The following CNTN3 variants were observed in gnomAD, a reference collection of about 807,000 sequenced individuals.
CNTN3 encodes contactin 3, also known as contactin-3.
In CNTN3, 60 loss-of-function variants were observed where a neutral mutation model predicts 119.1. That is an observed-to-expected ratio of 0.50 (90% CI 0.41 to 0.62). CNTN3 has a LOEUF of 0.62. Ranked by LOEUF, CNTN3 falls within the 20% of genes least tolerant of loss-of-function variation. The pLI is 0.00. For missense variants in CNTN3, 1,101 were observed against 1,242.4 expected, an observed-to-expected ratio of 0.89 and a Z score of 1.71; for synonymous variants, 450 against 438.7, an observed-to-expected ratio of 1.03 and a Z score of -0.32.
At chr3:74,574,231 CA>C (rs1402545608) in intron 1 of CNTN3, among the ~76,000 whole-genome samples, 1 of 152,004 alleles carries the variant, frequency 6.6e-6, no homozygotes, top group African/African-American at 2.4e-5. Flanking sequence ...ATGAAACTTC[CA>C]AAATAGGACA....
Position 74,290,581 on chromosome 3 carries a change from G to A in CNTN3, c.2517+4540C>T, listed in dbSNP as rs568497405. Among the ~76,000 whole-genome samples the A allele has an allele frequency of 1.1e-4, 17 of 152,270 alleles. No homozygotes were observed. The South Asian group carries it at 3.5e-3, about 32-fold the overall frequency. On this transcript the variant is annotated intron_variant, in intron 19 of 22. Coordinates refer to ENST00000263665, the MANE Select transcript of CNTN3 (RefSeq NM_020872.3). ...TTTTCTTAACTATTTTACAAGTTACGACTAGGTCAAGAATTATGATCCTGT... is the reference window on the plus strand; with the variant it reads ...TTTTCTTAACTATTTTACAAGTTACAACTAGGTCAAGAATTATGATCCTGT...
Position 74,266,466 on chromosome 3 carries a change from C to G in CNTN3, c.2986+15G>C. ...CTGATGTCAATAAAGTAAATAATGG[C>G]TTCAACCAACTTACTGGTTATTCGT... On this transcript the variant is annotated intron_variant, in intron 22 of 22. Coordinates refer to ENST00000263665, the MANE Select transcript of CNTN3 (RefSeq NM_020872.3). 6.2e-7 allele frequency: 1 copy of G among 1,610,472 alleles called. No homozygotes were observed. The highest frequency in any genetic ancestry group is 1.1e-5 in the South Asian group (1 of 90,848).
At chr3:74,427,713 A>C (rs1265049426) in intron 4 of CNTN3, among the ~76,000 whole-genome samples, 1 of 152,178 alleles carries the variant, frequency 6.6e-6, no homozygotes, top group Non-Finnish European at 1.5e-5. Context: ...TAAGCAGGTC[A>C]CAGGATACAA....
chr3:74,436,749 T>A (rs1001340198), intron 4 of CNTN3, among the ~76,000 whole-genome samples: 9 of 152,194 alleles, frequency 5.9e-5, no homozygotes, highest in Admixed American at 5.9e-4. Flanking sequence ...CCATAAAAGC[T>A]GGAAATACAA....
At chr3:74,456,183 T>A (rs181314188) in intron 4 of CNTN3, among the ~76,000 whole-genome samples, 1 of 151,994 alleles carries the variant, frequency 6.6e-6, no homozygotes. Context: ...TCCTCTTTAT[T>A]GTATAACTTT....
intron 19 of CNTN3, among the ~76,000 whole-genome samples, chr3:74,294,177 A>C (rs1702288635): frequency 6.6e-6 from 1 of 152,158 alleles, no homozygotes; most frequent in Non-Finnish European, 1.5e-5. Flanking sequence ...GGGAAGCTTC[A>C]TAAGAAGACA....
chr3:74,286,751 T>C (rs905983067), intron 19 of CNTN3, among the ~76,000 whole-genome samples: 2 of 152,198 alleles, frequency 1.3e-5, no homozygotes, highest in Non-Finnish European at 2.9e-5. Context: ...GCAAATCCAC[T>C]CCAGGGGAGA....
chr3:74,606,125 A>T (rs1704987956), intron 1 of CNTN3, among the ~76,000 whole-genome samples: 1 of 152,098 alleles, frequency 6.6e-6, no homozygotes, highest in African/African-American at 2.4e-5. Flanking sequence ...AATACAGAAG[A>T]GTCTATTCAA....
At chr3:74,449,099 C>T (rs1559607488) in intron 4 of CNTN3, among the ~76,000 whole-genome samples, 1 of 151,872 alleles carries the variant, frequency 6.6e-6, no homozygotes, top group East Asian at 1.9e-4. Context: ...CTTCTGTAAG[C>T]CAACTCAGGT....
At chr3:74,329,669 T>C (rs1703214364) in intron 13 of CNTN3, among the ~76,000 whole-genome samples, 1 of 152,206 alleles carries the variant, frequency 6.6e-6, no homozygotes, top group Non-Finnish European at 1.5e-5. Flanking sequence ...TGTTCTTTGG[T>C]TTCTCTTGAA....
intron 1 of CNTN3, among the ~76,000 whole-genome samples, chr3:74,582,636 AT>A (rs1425542033): frequency 6.6e-6 from 1 of 152,222 alleles, no homozygotes; most frequent in Non-Finnish European, 1.5e-5. Context: ...ACAGTAGGAT[AT>A]ACTTTCTTCT....
chr3:74,369,328 A>G lies in CNTN3; in HGVS notation c.807T>C (p.Phe269=), dbSNP rs376358653. Reference sequence around the variant, plus strand: ...ACTTCCTTAATTTAATTTTGCTGGAAAATGGCAGCCCATCACTTCTTCTCC... The same window carrying G: ...ACTTCCTTAATTTAATTTTGCTGGAGAATGGCAGCCCATCACTTCTTCTCC... ...INWRRSDGLP[F]SSKIKLRKFS... Residue 269 remains phenylalanine (F), a synonymous_variant, in exon 8 of 23, where the codon TTT becomes TTC. Coordinates refer to ENST00000263665, the MANE Select transcript of CNTN3 (RefSeq NM_020872.3). The G allele has an allele frequency of 2.5e-6, 4 of 1,609,074 alleles. No homozygotes were observed. Among genetic ancestry groups the G allele is most frequent in the Non-Finnish European group, 3.4e-6 (4 of 1,177,758 alleles).
At chr3:74,394,484 G>C (rs1374737814) in intron 5 of CNTN3, among the ~76,000 whole-genome samples, 1 of 152,070 alleles carries the variant, frequency 6.6e-6, no homozygotes, top group Non-Finnish European at 1.5e-5. Flanking sequence ...TTTATTGGGA[G>C]ATGACATCCA....
chr3:74,440,646 T>C lies in CNTN3; in HGVS notation c.359-15706A>G, dbSNP rs148962488. 6.8e-3 allele frequency among the ~76,000 whole-genome samples: 1,028 copies of C among 152,190 alleles called. 9 individuals carry two copies. The highest frequency in any genetic ancestry group is 0.02 in the Middle Eastern group (6 of 294). ...TCTGTACTGAACATGTATACTTTTT[T>C]TCCTGTTGTTATTTATTTTTTTTTA... On this transcript the variant is annotated intron_variant, in intron 4 of 22. Transcript: ENST00000263665.
Position 74,343,304 on chromosome 3 carries a change from C to G in CNTN3, c.1365-6646G>C, listed in dbSNP as rs184464944. Among the ~76,000 whole-genome samples, 16 of 152,288 alleles carry G rather than the reference C, an allele frequency of 1.1e-4. No individual in the cohort carries two copies. The East Asian group carries it at 3.1e-3, about 29-fold the overall frequency. On this transcript the variant is annotated intron_variant, in intron 11 of 22. Coordinates refer to ENST00000263665, the MANE Select transcript of CNTN3 (RefSeq NM_020872.3). ...GAGAACAGCAAAATACGTCCACTCT[C>G]TATGTGCAGCAAACACCAAAGAGAA...
intron 4 of CNTN3, among the ~76,000 whole-genome samples, chr3:74,472,691 T>C (rs964068979): frequency 2.0e-5 from 3 of 152,204 alleles, no homozygotes; most frequent in Non-Finnish European, 4.4e-5. Context: ...TAAAAAGCTT[T>C]GTTTTGTTTT....
At chr3:74,405,010 G>T (rs886890426) in intron 5 of CNTN3, among the ~76,000 whole-genome samples, 3 of 151,852 alleles carry the variant, frequency 2.0e-5, no homozygotes, top group Non-Finnish European at 2.9e-5. Context: ...AAGAAAAGAA[G>T]AAAAAGTCAG....
At chr3:74,417,872 A>G (rs562424580) in intron 5 of CNTN3, among the ~76,000 whole-genome samples, 1 of 152,322 alleles carries the variant, frequency 6.6e-6, no homozygotes, top group African/African-American at 2.4e-5. Context: ...TATTCAAAAA[A>G]TAGTTTACAA....
intron 4 of CNTN3, among the ~76,000 whole-genome samples, chr3:74,475,945 G>A (rs2107014065): frequency 6.6e-6 from 1 of 152,196 alleles, no homozygotes; most frequent in South Asian, 2.1e-4. Flanking sequence ...TACATTTTGT[G>A]CCACATTTTT....
Sources: gnomAD v4.1 joint callset for allele counts (sites outside exome capture counted in the v4.1 genomes callset) on GRCh38, gnomAD v4.1.1 for gene constraint, MANE v1.5 for transcripts, NCBI Gene and HGNC (gene_info 2026-07-23, HGNC 2026-07-21) for gene names.